Variants in CEACAM5 observed in about 807,000 individuals in gnomAD.
CEACAM5 encodes the protein cell adhesion molecule CEACAM5.
Under a neutral mutation model 63.0 loss-of-function variants are expected in CEACAM5, and 52 were observed. That is an observed-to-expected ratio of 0.83 (90% confidence interval 0.66 to 1.04). The LOEUF (loss-of-function observed/expected upper bound fraction) is 1.04, where lower values mean the gene tolerates loss of function less well. CEACAM5 is among the 50% of genes least tolerant of loss of function. CEACAM5 has a pLI of 0.00. For missense variants in CEACAM5, 790 were observed against 864.8 expected (o/e 0.91, Z 1.08); for synonymous variants, 357 against 351.3 (o/e 1.02, Z -0.18).
intron 4 of CEACAM5, 50 bp downstream of exon 4, chr19:41,715,954 C>T: frequency 1.3e-6 from 2 of 1,586,770 alleles, no homozygotes; most frequent in Non-Finnish European, 1.7e-6. Context: ...TGGAGTCTGT[C>T]TGGTTTTCAA....
At chr19:41,708,820 G>A (rs538013635) in intron 1 of CEACAM5, 25 bp downstream of exon 1, 2 of 1,567,460 alleles carry the variant, frequency 1.3e-6, no homozygotes, top group South Asian at 1.1e-5. Flanking sequence ...ACCTGGGAGA[G>A]GGTGGGAGGA....
At chr19:41,721,288 G>A in intron 8 of CEACAM5, 112 bp downstream of exon 8, 3 of 1,232,434 alleles carry the variant, frequency 2.4e-6, no homozygotes, top group Non-Finnish European at 1.2e-6. Flanking sequence ...ATGGGCACAA[G>A]GAAATCCCAA....
chr19:41,709,745 A>G lies in CEACAM5; in HGVS notation c.130A>G (p.Asn44Asp), dbSNP rs1555813643. 1.9e-6 allele frequency: 3 copies of G among 1,614,104 alleles called. No homozygotes were observed. The highest frequency in any genetic ancestry group is 2.2e-5 in the East Asian group (1 of 44,884). The change falls in exon 2 of 10, where the codon AAT (asparagine) becomes GAT (aspartate). Residue 44 changes from asparagine to aspartate, a missense_variant. Physicochemically the swap from Asn to Asp is conservative, Grantham distance 23. Coordinates refer to ENST00000221992, the MANE Select transcript of CEACAM5 (RefSeq NM_004363.6). ...AKLTIESTPF[N>D]VAEGKEVLLL... ...GCTCACTATTGAATCCACGCCGTTC[A>G]ATGTCGCAGAGGGGAAGGAGGTGCT...
chr19:41,719,992 G>A lies in CEACAM5; in HGVS notation c.1555G>A (p.Val519Met), dbSNP rs782698894. The A allele has an allele frequency of 6.2e-7, 1 of 1,614,226 alleles. No homozygotes were observed. Among genetic ancestry groups the A allele is most frequent in the Non-Finnish European group, 8.5e-7 (1 of 1,180,048 alleles). Residue 519 changes from valine to methionine, a missense_variant, in exon 7 of 10, where the codon GTG (valine) becomes ATG (methionine). Coordinates refer to ENST00000221992, the MANE Select transcript of CEACAM5 (RefSeq NM_004363.6). ...NSKPVEDKDA[V>M]AFTCEPEAQN... ...CAAACCCGTGGAGGACAAGGATGCT[G>A]TGGCCTTCACCTGTGAACCTGAGGC...
chr19:41,715,578 G>A, intron 3 of CEACAM5, 72 bp from the exon 4 acceptor site: 1 of 1,575,574 alleles, frequency 6.3e-7, no homozygotes, highest in Non-Finnish European at 8.7e-7. Flanking sequence ...GGACACTGTG[G>A]TCCTTCCATA....
At chr19:41,721,902 A>T (rs1600473613) in intron 8 of CEACAM5, among the ~76,000 whole-genome samples, 1 of 152,204 alleles carries the variant, frequency 6.6e-6, no homozygotes, top group Non-Finnish European at 1.5e-5. Flanking sequence ...AGCACATAGG[A>T]CACAGCAGAG....
Position 41,714,991 on chromosome 19 carries a change from A to G in CEACAM5, c.445A>G (p.Ile149Val), listed in dbSNP as rs782137330. Reference sequence around the variant, plus strand: ...CACAGCGGAGCTGCCCAAGCCCTCCATCTCCAGCAACAACTCCAAACCCGT... The same window carrying G: ...CACAGCGGAGCTGCCCAAGCCCTCCGTCTCCAGCAACAACTCCAAACCCGT... ...RVYPELPKPS[I>V]SSNNSKPVED... Residue 149 changes from isoleucine (I) to valine (V), a missense_variant, in exon 3 of 10, where the codon ATC becomes GTC. By Grantham distance (29) the Ile-to-Val change is conservative (BLOSUM62 3). Coordinates refer to ENST00000221992, the MANE Select transcript of CEACAM5 (RefSeq NM_004363.6). 1.6e-5 allele frequency: 26 copies of G among 1,614,196 alleles called. No homozygotes were observed. In the East Asian group the frequency reaches 2.0e-4, roughly 12 times the overall value.
At chr19:41,721,825 G>C (rs957077054) in intron 8 of CEACAM5, among the ~76,000 whole-genome samples, 2 of 152,242 alleles carry the variant, frequency 1.3e-5, no homozygotes, top group African/African-American at 4.8e-5. Context: ...AAAAGAGGGA[G>C]CCTCGGGACA....
intron 8 of CEACAM5, among the ~76,000 whole-genome samples, chr19:41,723,954 A>G (rs1381918559): frequency 1.3e-5 from 2 of 151,972 alleles, no homozygotes; most frequent in Non-Finnish European, 2.9e-5. Context: ...GTCAAAAAAA[A>G]AAAAAAAAAG....
chr19:41,728,842 A>G (rs182677465), intron 9 of CEACAM5, among the ~76,000 whole-genome samples: 3 of 151,764 alleles, frequency 2.0e-5, no homozygotes, highest in African/African-American at 7.3e-5. Flanking sequence ...ACGTAAGCCT[A>G]TACTTTGTTG....
chr19:41,726,837 A>G (rs188644124), intron 8 of CEACAM5, among the ~76,000 whole-genome samples: 1 of 152,318 alleles, frequency 6.6e-6, no homozygotes, highest in Non-Finnish European at 1.5e-5. Flanking sequence ...TAAATACAGA[A>G]TGCACTAGCC....
chr19:41,713,617 T>C (rs758692971), intron 2 of CEACAM5, among the ~76,000 whole-genome samples: 2 of 152,184 alleles, frequency 1.3e-5, no homozygotes, highest in Non-Finnish European at 2.9e-5. Context: ...ACCATTCTAC[T>C]CTCTGATTCC....
Position 41,712,068 on chromosome 19 carries a change from G to A in CEACAM5, c.424+2029G>A, listed in dbSNP as rs186247701. 1.1e-4 allele frequency among the ~76,000 whole-genome samples: 17 copies of A among 152,218 alleles called. No homozygotes were observed. The East Asian group carries it at 3.3e-3, about 29-fold the overall frequency. The stretch of plus-strand genomic sequence containing the variant: ...AACAGGCAGCAGGACGGGAATGAGC[G>A]ACTCCTCCATCCACTCCCTACACTG... On this transcript the variant is annotated intron_variant, in intron 2 of 9. Transcript: ENST00000221992.
At chr19:41,726,246 A>G (rs28366798) in intron 8 of CEACAM5, among the ~76,000 whole-genome samples, 5,388 of 152,252 alleles carry the variant, frequency 0.035, 327 homozygotes, top group African/African-American at 0.12. Flanking sequence ...TAATTATATG[A>G]CTTTGGATAA....
chr19:41,718,162 C>G lies in CEACAM5; in HGVS notation c.1272C>G (p.Tyr424Ter), dbSNP rs781969946. Reference sequence around the variant, plus strand: ...ACGACCCCACCATTTCCCCCTCATACACCTATTACCGTCCAGGGGTGAACC... The same window carrying G: ...ACGACCCCACCATTTCCCCCTCATAGACCTATTACCGTCCAGGGGTGAACC... The part of the protein sequence containing the change: ...GPDDPTISPS[Y>*]TYYRPGVNLS... Residue 424 changes from tyrosine (Y) to a stop codon, truncating the protein, a stop_gained, in exon 6 of 10, where the codon TAC becomes TAG. Transcript: ENST00000221992. LOFTEE classifies it high-confidence loss of function. 1 of 1,614,212 alleles carries G rather than the reference C, an allele frequency of 6.2e-7. No homozygotes were observed. Among genetic ancestry groups the G allele is most frequent in the South Asian group, 1.1e-5 (1 of 91,082 alleles).
intron 2 of CEACAM5, among the ~76,000 whole-genome samples, chr19:41,713,540 C>T (rs1555814370): frequency 6.6e-6 from 1 of 152,176 alleles, no homozygotes; most frequent in Non-Finnish European, 1.5e-5. Flanking sequence ...CCTCCTCATC[C>T]TGCATAACTG....
intron 4 of CEACAM5, 141 bp downstream of exon 4, chr19:41,716,045 C>T (rs2072522271): frequency 3.3e-6 from 3 of 915,774 alleles, no homozygotes; most frequent in South Asian, 1.6e-5. Context: ...ACTGAACCTC[C>T]CCAATATGTC....
At chr19:41,715,465 T>C in intron 3 of CEACAM5, 185 bp from the exon 4 acceptor site, 1 of 1,118,968 alleles carries the variant, frequency 8.9e-7, no homozygotes, top group Non-Finnish European at 1.3e-6. Context: ...AGGCTCAGGG[T>C]CCACACCCTA....
In CEACAM5 at chr19:41,720,173, C is replaced by T. The variant is rs1333217164; in HGVS notation, c.1736C>T (p.Ala579Val). The T allele has an allele frequency of 1.2e-6, 2 of 1,614,252 alleles. No homozygotes were observed. Among genetic ancestry groups the T allele is most frequent in the East Asian group, 2.2e-5 (1 of 44,892 alleles). ...YVCGIQNSVS[A>V]NRSDPVTLDV... ...TGTGGAATCCAGAACTCAGTGAGTG[C>T]AAACCGCAGTGACCCAGTCACCCTG... The change falls in exon 7 of 10, where the codon GCA (alanine) becomes GTA (valine). Residue 579 changes from alanine (A) to valine (V), a missense_variant. Transcript: ENST00000221992.
Sources: allele counts gnomAD v4.1 joint callset (sites outside exome capture counted in the v4.1 genomes callset), GRCh38; gene constraint gnomAD v4.1.1; transcripts MANE v1.5; gene names NCBI Gene and HGNC (gene_info 2026-07-23, HGNC 2026-07-21).